Variants in C4orf51 observed in about 807,000 individuals in gnomAD.
The protein encoded by C4orf51 is chromosome 4 open reading frame 51.
A neutral mutation model predicts 25.2 loss-of-function variants in C4orf51; 25 were observed. That is an observed-to-expected ratio of 0.99 (90% CI 0.72 to 1.39). C4orf51 has a LOEUF of 1.39. Ranked by LOEUF, C4orf51 falls within the 40% of genes most tolerant of loss-of-function variation. C4orf51 has a pLI of 0.00. For missense variants in C4orf51, 252 were observed against 239.6 expected (o/e 1.05, Z -0.34); for synonymous variants, 100 against 84.5 (o/e 1.18, Z -1.01).
chr4:145,736,164 C>T (rs1204489734), downstream of C4orf51, among the ~76,000 whole-genome samples: 5 of 151,766 alleles, frequency 3.3e-5, no homozygotes, highest in African/African-American at 7.3e-5. Flanking sequence ...AAGGATTTGA[C>T]AAACTGGGAG....
In C4orf51 at chr4:145,763,361, A is replaced by T. The variant is rs925825162; in HGVS notation, n.167-7627A>T. ...CTCTCTCAGGCAAATTAATTCTCTG[A>T]TATGGCAAAGGAAACAAAACAAAAC... is the stretch of plus-strand genomic sequence containing the variant. On this transcript the variant is annotated intron_variant and non_coding_transcript_variant, in intron 1 of 1. Coordinates refer to the C4orf51 transcript ENST00000510096. This position sits in a 1 kb window ranked among gnomAD's most constrained non-coding sequence, Gnocchi z 4.6. Among the ~76,000 whole-genome samples the T allele has an allele frequency of 6.6e-6, 1 of 152,252 alleles. No homozygotes were observed. The highest frequency in any genetic ancestry group is 1.5e-5 in the Non-Finnish European group (1 of 68,044).
At chr4:145,734,190 G>T (rs1240036446), downstream of C4orf51, among the ~76,000 whole-genome samples, 3 of 152,186 alleles carry the variant, frequency 2.0e-5, no homozygotes, top group African/African-American at 7.2e-5. Flanking sequence ...AAAAGGCAAA[G>T]AACAAATATT....
chr4:145,747,268 G>C (rs1234220105), intron 1 of C4orf51, among the ~76,000 whole-genome samples: 1 of 151,934 alleles, frequency 6.6e-6, no homozygotes, highest in Non-Finnish European at 1.5e-5. Flanking sequence ...TCTTTGTTGT[G>C]TTCCATATCT....
chr4:145,764,369 C>G (rs111517451), intron 1 of C4orf51, among the ~76,000 whole-genome samples: 2 of 152,176 alleles, frequency 1.3e-5, no homozygotes, highest in Non-Finnish European at 2.9e-5. Context: ...ACACACAGTA[C>G]GTTTGATATT....
At chr4:145,780,951 C>T in the C4orf51 span, among the ~76,000 whole-genome samples, 1 of 152,218 alleles carries the variant, frequency 6.6e-6, no homozygotes, top group Non-Finnish European at 1.5e-5. Context: ...AATCCCAGCA[C>T]TTCGGGAGGC....
At chr4:145,732,976 C>A (rs545381762), downstream of C4orf51, among the ~76,000 whole-genome samples, 47 of 152,264 alleles carry the variant, frequency 3.1e-4, no homozygotes, top group African/African-American at 1.1e-3. Context: ...AGCCTTCCAC[C>A]GCCAGGTTTT....
At position 145,680,415 on chromosome 4, in the gene C4orf51, A is replaced by G. The variant is rs1203346072; in HGVS notation, c.212A>G (p.Gln71Arg). ...MCSQFSFRAG[Q>R]HEPECKQMSL... ...AGCCAATTTTCTTTTAGAGCAGGAC[A>G]GCATGAGCCTGAGTGTAAACAGTAA... is the stretch of plus-strand genomic sequence containing the variant. The change falls in exon 1 of 6, where the codon CAG becomes CGG. Residue 71 changes from glutamine to arginine, a missense_variant. Gln to Arg is a conservative substitution (Grantham distance 43, BLOSUM62 1). Coordinates refer to ENST00000438731, the MANE Select transcript of C4orf51 (RefSeq NM_001080531.3). 1.2e-6 allele frequency: 2 copies of G among 1,613,678 alleles called. No homozygotes were observed. Among genetic ancestry groups the G allele is most frequent in the African/African-American group, 2.7e-5 (2 of 74,938 alleles).
intron 2 of C4orf51, among the ~76,000 whole-genome samples, chr4:145,702,258 A>G (rs1264807784): frequency 2.0e-5 from 3 of 151,854 alleles, no homozygotes; most frequent in African/African-American, 4.8e-5. Context: ...TGTTTTGCCT[A>G]TCCACCCCGT....
chr4:145,769,389 C>T (rs1735906190), intron 1 of C4orf51, among the ~76,000 whole-genome samples: 1 of 152,138 alleles, frequency 6.6e-6, no homozygotes, highest in African/African-American at 2.4e-5. Flanking sequence ...TACTGCAACT[C>T]CATCTTCTAA....
intron 1 of C4orf51, chr4:145,754,076 AGGGTGGAT>A (rs1733819312): frequency 6.6e-6 from 1 of 152,418 alleles, no homozygotes; most frequent in Non-Finnish European, 1.5e-5. Context: ...TTAACCCAGC[AGGGTGGAT>A]GGGTAACCAA....
chr4:145,688,177 G>A (rs1224456166), intron 1 of C4orf51, among the ~76,000 whole-genome samples: 1 of 148,170 alleles, frequency 6.7e-6, no homozygotes, highest in Non-Finnish European at 1.5e-5. Context: ...CTCCAGCCTG[G>A]GTGACAGAGT....
the C4orf51 span, among the ~76,000 whole-genome samples, chr4:145,785,105 C>T: frequency 1.3e-5 from 2 of 152,246 alleles, no homozygotes; most frequent in East Asian, 3.9e-4. Flanking sequence ...TAGGATTAAG[C>T]ACTTTTGTCC....
At chr4:145,696,694 C>A in intron 2 of C4orf51, 62 bp downstream of exon 2, 2 of 1,297,086 alleles carry the variant, frequency 1.5e-6, no homozygotes, top group Non-Finnish European at 2.2e-6. Context: ...GTGTTTCTTT[C>A]AGGTTCTTTT....
chr4:145,688,571 A>T (rs1313002565), intron 1 of C4orf51, among the ~76,000 whole-genome samples: 3 of 152,176 alleles, frequency 2.0e-5, no homozygotes, highest in African/African-American at 7.2e-5. Context: ...CTCTCCTGCC[A>T]CCATTTAAGA....
intron 2 of C4orf51, among the ~76,000 whole-genome samples, chr4:145,698,100 C>G (rs1578945226): frequency 6.6e-6 from 1 of 152,228 alleles, no homozygotes; most frequent in Middle Eastern, 3.4e-3. Flanking sequence ...TTGTTATATA[C>G]TTGTTGGCCA....
At chr4:145,770,025 C>T (rs765308023) in intron 1 of C4orf51, among the ~76,000 whole-genome samples, 5 of 152,162 alleles carry the variant, frequency 3.3e-5, no homozygotes, top group Non-Finnish European at 5.9e-5. Context: ...AGGCTGGGTG[C>T]CGTGGCTCAC....
At chr4:145,738,806 AT>A (rs1206632278) in intron 1 of C4orf51, among the ~76,000 whole-genome samples, 1 of 151,754 alleles carries the variant, frequency 6.6e-6, no homozygotes, top group African/African-American at 2.4e-5. Flanking sequence ...CGCCCGACTA[AT>A]TTTTTGTATT....
intron 2 of C4orf51, among the ~76,000 whole-genome samples, chr4:145,715,122 G>A (rs760764962): frequency 6.6e-6 from 1 of 152,220 alleles, no homozygotes; most frequent in Admixed American, 6.5e-5. Flanking sequence ...ACAGGGGAAG[G>A]GGTAGTGATG....
intron 2 of C4orf51, among the ~76,000 whole-genome samples, chr4:145,701,290 C>T (rs1436713219): frequency 4.6e-5 from 7 of 152,098 alleles, no homozygotes; most frequent in Admixed American, 4.6e-4. Context: ...CCAGCCACAT[C>T]TCCAGCACAC....
Sources: gnomAD v4.1 joint callset for allele counts (sites outside exome capture counted in the v4.1 genomes callset) on GRCh38, gnomAD v4.1.1 for gene constraint, Gnocchi (gnomAD v3.1) non-coding constraint, MANE v1.5 for transcripts, NCBI Gene and HGNC (gene_info 2026-07-23, HGNC 2026-07-21) for gene names.